NSD3: variants seen among roughly 807,000 people sequenced by gnomAD.
The protein encoded by NSD3 is histone-lysine N-methyltransferase NSD3.
In NSD3, 24 loss-of-function variants were observed where a neutral mutation model predicts 160.8. The ratio of observed to expected loss-of-function variants is 0.15; its 90% confidence interval spans 0.11 to 0.21. NSD3 has a LOEUF of 0.21. Ranked by LOEUF, NSD3 falls within the 10% of genes least tolerant of loss-of-function variation. NSD3 has a pLI of 1.00. For synonymous variants in NSD3, 520 were observed against 600.0 expected, an observed-to-expected ratio of 0.87 and a Z score of 1.95; for missense variants, 1,157 against 1,735.9, an observed-to-expected ratio of 0.67 and a Z score of 5.93.
At chr8:38,310,388 T>C (rs1809504372) in intron 12 of NSD3, among the ~76,000 whole-genome samples, 1 of 145,732 alleles carries the variant, frequency 6.9e-6, no homozygotes, top group South Asian at 2.1e-4. Context: ...AATATTCCAT[T>C]GTAGGTACAT....
chr8:38,352,981 C>T (rs1810738695), intron 1 of NSD3, among the ~76,000 whole-genome samples: 1 of 152,204 alleles, frequency 6.6e-6, no homozygotes. Context: ...TTACATAGCA[C>T]TTTGCATATG....
chr8:38,377,511 CTAATTTTT>C (rs1008506197), intron 1 of NSD3, among the ~76,000 whole-genome samples: 1 of 152,016 alleles, frequency 6.6e-6, no homozygotes, highest in Non-Finnish European at 1.5e-5. Flanking sequence ...CCACACCTGG[CTAATTTTT>C]GTATTTTTAG....
intron 2 of NSD3, among the ~76,000 whole-genome samples, chr8:38,347,187 C>T (rs1357604035): frequency 6.6e-6 from 1 of 152,174 alleles, no homozygotes; most frequent in African/African-American, 2.4e-5. Flanking sequence ...CTTCTCTTTG[C>T]CTTTCCTCTT....
chr8:38,374,426 GA>G (rs1458740894), intron 1 of NSD3, among the ~76,000 whole-genome samples: 1 of 151,968 alleles, frequency 6.6e-6, no homozygotes, highest in Non-Finnish European at 1.5e-5. Flanking sequence ...AAGCTATGAA[GA>G]AAAATCAGGA....
chr8:38,325,638 G>A (rs558839372), intron 7 of NSD3, among the ~76,000 whole-genome samples: 3 of 152,320 alleles, frequency 2.0e-5, no homozygotes, highest in South Asian at 2.1e-4. Context: ...CTGGGAGGCC[G>A]AGGCAGGTAG....
intron 6 of NSD3, among the ~76,000 whole-genome samples, chr8:38,328,862 T>C (rs1809976346): frequency 6.6e-6 from 1 of 152,220 alleles, no homozygotes; most frequent in South Asian, 2.1e-4. Context: ...TTGCCACAGC[T>C]AATTGTTACA....
intron 14 of NSD3, 97 bp downstream of exon 14, chr8:38,304,490 G>A (rs1315351133): frequency 1.3e-5 from 16 of 1,240,670 alleles, no homozygotes; most frequent in Non-Finnish European, 1.7e-5. Context: ...GATTCTACTA[G>A]ATGGCCTGAG....
intron 12 of NSD3, among the ~76,000 whole-genome samples, chr8:38,313,511 A>G (rs1433857167): frequency 2.0e-5 from 3 of 152,214 alleles, no homozygotes. Flanking sequence ...CCTAACATTT[A>G]GTAAGTCAGT....
chr8:38,328,058 T>C (rs949756866), intron 6 of NSD3, among the ~76,000 whole-genome samples: 1 of 152,046 alleles, frequency 6.6e-6, no homozygotes, highest in Non-Finnish European at 1.5e-5. Context: ...TTAAAAGGTC[T>C]GGCACAGTGG....
intron 12 of NSD3, among the ~76,000 whole-genome samples, chr8:38,309,826 G>A (rs574688621): frequency 1.8e-4 from 27 of 152,210 alleles, no homozygotes; most frequent in Non-Finnish European, 3.1e-4. Context: ...ATAATAGAAA[G>A]TGGTAGTATA....
chr8:38,279,247 A>G (rs1808680130), intron 21 of NSD3, among the ~76,000 whole-genome samples: 1 of 152,246 alleles, frequency 6.6e-6, no homozygotes. Context: ...GACAGCAGCT[A>G]ACTTGGAGAA....
intron 2 of NSD3, among the ~76,000 whole-genome samples, chr8:38,345,974 T>C (rs1810513187): frequency 6.6e-6 from 1 of 151,758 alleles, no homozygotes; most frequent in African/African-American, 2.4e-5. Context: ...TAACTGAAGG[T>C]TTAGGTGATA....
chr8:38,306,930 A>C (rs1434416376), intron 12 of NSD3, among the ~76,000 whole-genome samples: 3 of 151,776 alleles, frequency 2.0e-5, no homozygotes, highest in East Asian at 1.9e-4. Flanking sequence ...CTGGTTAACA[A>C]GGTGAAACCC....
At chr8:38,338,174 C>T (rs538071039) in intron 3 of NSD3, among the ~76,000 whole-genome samples, 2 of 152,204 alleles carry the variant, frequency 1.3e-5, no homozygotes, top group African/African-American at 2.4e-5. Flanking sequence ...GTGGCACGTG[C>T]CTGTCATCCC....
intron 1 of NSD3, among the ~76,000 whole-genome samples, chr8:38,351,491 C>A (rs1044411265): frequency 3.3e-5 from 5 of 151,142 alleles, no homozygotes; most frequent in African/African-American, 1.2e-4. Context: ...AGTGAAACCC[C>A]GTCTCTGCTA....
At chr8:38,335,346 CAT>C (rs1810191354) in intron 4 of NSD3, among the ~76,000 whole-genome samples, 1 of 152,130 alleles carries the variant, frequency 6.6e-6, no homozygotes, top group Non-Finnish European at 1.5e-5. Context: ...ACAGATGAGA[CAT>C]AAATTGTGCT....
chr8:38,295,279 T>G (rs181343786), intron 16 of NSD3, among the ~76,000 whole-genome samples: 209 of 151,126 alleles, frequency 1.4e-3, no homozygotes, highest in African/African-American at 4.8e-3. Context: ...AAAACAAAAG[T>G]TGGTGGGCAT....
At chr8:38,353,839 C>A (rs1485552766) in intron 1 of NSD3, among the ~76,000 whole-genome samples, 1 of 152,216 alleles carries the variant, frequency 6.6e-6, no homozygotes, top group African/African-American at 2.4e-5. Context: ...CAAATACTGA[C>A]TTTCCAAGAC....
chr8:38,299,083 ATCTTT>A (rs1436103208), intron 15 of NSD3, among the ~76,000 whole-genome samples: 3 of 152,228 alleles, frequency 2.0e-5, no homozygotes, highest in Admixed American at 6.5e-5. Flanking sequence ...ATTATACCCT[ATCTTT>A]TCTATTCCAA....
Sources: gnomAD v4.1 joint callset for allele counts (sites outside exome capture counted in the v4.1 genomes callset) on GRCh38, gnomAD v4.1.1 for gene constraint, MANE v1.5 for transcripts, NCBI Gene and HGNC (gene_info 2026-07-23, HGNC 2026-07-21) for gene names.